Variants in FRMPD2 observed in about 807,000 individuals in gnomAD.
FRMPD2 encodes FERM and PDZ domain-containing protein 2.
A neutral mutation model predicts 140.1 loss-of-function variants in FRMPD2; 96 were observed. The observed-to-expected ratio is 0.69, with a 90% CI of 0.58 to 0.81. The LOEUF (loss-of-function observed/expected upper bound fraction) is 0.81, where lower values mean the gene tolerates loss of function less well. Ranked by LOEUF, FRMPD2 falls within the 40% of genes least tolerant of loss-of-function variation. The pLI, the probability that FRMPD2 is intolerant of heterozygous loss-of-function variation, is 0.00. For synonymous variants in FRMPD2, 449 were observed against 547.6 expected, an observed-to-expected ratio of 0.82 and a Z score of 2.52; for missense variants, 1,240 against 1,447.4, an observed-to-expected ratio of 0.86 and a Z score of 2.32.
In FRMPD2 at chr10:48,184,826, T is replaced by C. The variant is rs755519265; in HGVS notation, c.2415A>G (p.Ile805Met). ...CTGGTCCTCCAGGTATAATAGAAGA[T>C]ATAAAAATGCCAGGGTCAGCTTGGC... ...YSGQADPGIF[I>M]SSIIPGGPAE... The change falls in exon 19 of 29, where the codon ATA becomes ATG. Residue 805 changes from isoleucine to methionine, a missense_variant. By Grantham distance (10) the Ile-to-Met change is conservative. Around this residue, in one of 6 missense-constraint regions of FRMPD2, gnomAD observed 1,161 missense variants for 1,055.9 expected, o/e 1.10. Transcript: ENST00000374201. 32 of 1,613,950 alleles carry C rather than the reference T, an allele frequency of 2.0e-5. No homozygotes were observed. In the South Asian group the frequency reaches 3.3e-4, roughly 17 times the overall value.
At chr10:48,228,095 T>C (rs1839767815) in intron 10 of FRMPD2, among the ~76,000 whole-genome samples, 1 of 152,162 alleles carries the variant, frequency 6.6e-6, no homozygotes, top group Non-Finnish European at 1.5e-5. Flanking sequence ...AAAAGCCATA[T>C]GTTTTAACTT....
chr10:48,174,862 C>G lies in FRMPD2; in HGVS notation c.3075+8G>C. ...GGAGGGGAAGCTGGTCAGCAACAGT[C>G]CACTCACCTGCCCAGGACCCGTCAG... On this transcript the variant is annotated splice_region_variant and intron_variant, in intron 24 of 28. Transcript: ENST00000374201. 1 of 617,712 alleles carries G rather than the reference C, an allele frequency of 1.6e-6. No homozygotes were observed. Among genetic ancestry groups the G allele is most frequent in the Non-Finnish European group, 2.9e-6 (1 of 347,732 alleles). 38.3% of individuals were successfully genotyped at this position (617,712 alleles called of 1,614,324 possible).
chr10:48,265,191 A>G (rs1840658253), intron 1 of FRMPD2, among the ~76,000 whole-genome samples: 1 of 152,188 alleles, frequency 6.6e-6, no homozygotes. Context: ...CTCCTTCCTT[A>G]AACAATTATA....
chr10:48,219,316 C>T (rs1304519658), intron 12 of FRMPD2, among the ~76,000 whole-genome samples: 1 of 152,018 alleles, frequency 6.6e-6, no homozygotes, highest in Non-Finnish European at 1.5e-5. Flanking sequence ...TAAGCATTCC[C>T]CAGTGGCACC....
chr10:48,267,533 G>A lies in FRMPD2; in HGVS notation c.25+7010C>T, dbSNP rs140588062. Among the ~76,000 whole-genome samples the A allele has an allele frequency of 3.4e-4, 52 of 152,248 alleles. No homozygotes were observed. In the East Asian group the frequency reaches 6.2e-3, roughly 18 times the overall value. ...TCAAGAAACTGAAAAGACAATCCAC[G>A]GAATGGCAGAAAATATTAAATATTG... On this transcript the variant is annotated intron_variant, in intron 1 of 28. Transcript: ENST00000374201.
Position 48,232,137 on chromosome 10 carries a change from G to A in FRMPD2, c.1146C>T (p.Tyr382=). 8 of 1,614,200 alleles carry A rather than the reference G, an allele frequency of 5.0e-6. No individual in the cohort carries two copies. Among genetic ancestry groups the A allele is most frequent in the Non-Finnish European group, 6.8e-6 (8 of 1,180,032 alleles). ...TACTTTTCATATACGCCAAGCCAAA[G>A]TAGGTGAGTTCCTCGAGGTTGGCAA... The part of the protein sequence containing the change: ...TSFANLEELT[Y]FGLAYMKSKE... Residue 382 remains tyrosine, a synonymous_variant, in exon 10 of 29, where the codon TAC becomes TAT. Transcript: ENST00000374201.
At chr10:48,162,941 G>C (rs1200730798) in intron 28 of FRMPD2, among the ~76,000 whole-genome samples, 3 of 134,746 alleles carry the variant, frequency 2.2e-5, no homozygotes, top group Admixed American at 7.4e-5. Flanking sequence ...AAAAAAAAAA[G>C]CTGATGTTGA....
In FRMPD2 at chr10:48,223,208, TCC is replaced by T; in HGVS notation, c.1229_1230del (p.Trp410Ter). The T allele has an allele frequency of 6.2e-7, 1 of 1,613,832 alleles. No homozygotes were observed. The highest frequency in any genetic ancestry group is 8.5e-7 in the Non-Finnish European group (1 of 1,179,728). On this transcript the variant is annotated frameshift_variant, in exon 11 of 29. Coordinates refer to ENST00000374201, the MANE Select transcript of FRMPD2 (RefSeq NM_001018071.4). LOFTEE classifies it high-confidence loss of function. ...TRLCKIAPEG[W>X]REQPQKTSMN... ...ATGGAGGTCTTCTGAGGCTGCTCTC[TCC>T]AGCCTTCAGGAGCTATTTTGCACAA...
intron 7 of FRMPD2, 78 bp from the exon 8 acceptor site, chr10:48,238,201 G>T: frequency 6.8e-7 from 1 of 1,469,612 alleles, no homozygotes; most frequent in Non-Finnish European, 9.3e-7. Flanking sequence ...CCCGCACAGG[G>T]GCTCAGTTGG....
chr10:48,179,433 G>A (rs1380980830), intron 21 of FRMPD2, among the ~76,000 whole-genome samples: 7 of 150,848 alleles, frequency 4.6e-5, no homozygotes, highest in African/African-American at 1.5e-4. Flanking sequence ...CAGGGACTGA[G>A]AGAGGAATCT....
At chr10:48,253,784 A>G (rs1175826968) in intron 1 of FRMPD2, among the ~76,000 whole-genome samples, 1 of 152,196 alleles carries the variant, frequency 6.6e-6, no homozygotes, top group African/African-American at 2.4e-5. Context: ...CATAAAGATA[A>G]TAACATAGGT....
At chr10:48,228,651 G>A (rs1839780136) in intron 10 of FRMPD2, among the ~76,000 whole-genome samples, 1 of 151,778 alleles carries the variant, frequency 6.6e-6, no homozygotes, top group African/African-American at 2.4e-5. Context: ...TAGTTTTCTG[G>A]TTTTCACTAG....
rs776296032 is a variant in FRMPD2, at chr10:48,193,036, T to C, written c.1955-142A>G. On this transcript the variant is annotated intron_variant, in intron 15 of 28. Transcript: ENST00000374201. ...GCTGCTATTTTGTCTCCTGTGATTA[T>C]CCCTGGGAATGCAAGGTCTCCTAAT... 3.1e-5 allele frequency: 20 copies of C among 654,666 alleles called. No individual in the cohort carries two copies. In the Admixed American group the frequency reaches 4.7e-4, roughly 15 times the overall value. The allele number at this position is 654,666 out of a possible 1,614,324, so 40.6% of individuals were successfully genotyped here. A position where few individuals can be genotyped will look rare whatever the true frequency, so the allele number is the denominator to read the frequency against.
At chr10:48,270,825 C>T (rs899422533) in intron 1 of FRMPD2, among the ~76,000 whole-genome samples, 1 of 152,044 alleles carries the variant, frequency 6.6e-6, no homozygotes, top group Admixed American at 6.6e-5. Context: ...CTTCCCAGCC[C>T]GTTAATCACC....
chr10:48,206,716 T>G (rs769996193), intron 14 of FRMPD2, 32 bp downstream of exon 14: 6 of 1,577,980 alleles, frequency 3.8e-6, no homozygotes, highest in Admixed American at 1.7e-5. Context: ...GAAAATGAAG[T>G]GCAGGTTATT....
chr10:48,194,982 G>A (rs761800814), intron 15 of FRMPD2, among the ~76,000 whole-genome samples: 4 of 152,212 alleles, frequency 2.6e-5, no homozygotes, highest in East Asian at 1.9e-4. Flanking sequence ...TCTATTCCCT[G>A]CTGTGGGTGA....
intron 12 of FRMPD2, among the ~76,000 whole-genome samples, chr10:48,219,795 C>T (rs1465256844): frequency 1.3e-5 from 2 of 152,204 alleles, no homozygotes; most frequent in Non-Finnish European, 2.9e-5. Flanking sequence ...CTATCATTGG[C>T]AGTTAAATCA....
chr10:48,211,750 A>G (rs1325641544), intron 13 of FRMPD2, among the ~76,000 whole-genome samples: 1 of 152,048 alleles, frequency 6.6e-6, no homozygotes, highest in Non-Finnish European at 1.5e-5. Context: ...AGCTCACTAA[A>G]TCCTACCCTC....
intron 12 of FRMPD2, among the ~76,000 whole-genome samples, chr10:48,214,486 G>A (rs886822370): frequency 2.0e-5 from 3 of 152,158 alleles, no homozygotes; most frequent in Non-Finnish European, 2.9e-5. Context: ...TTCTGGTGCA[G>A]GATTTTTATG....
Sources: allele counts gnomAD v4.1 joint callset (sites outside exome capture counted in the v4.1 genomes callset), GRCh38; gene constraint gnomAD v4.1.1; regional missense constraint gnomAD v4.1.1; transcripts MANE v1.5; gene names NCBI Gene and HGNC (gene_info 2026-07-23, HGNC 2026-07-21).